The following CLDN10 variants were observed in gnomAD, a reference collection of about 807,000 sequenced individuals.
CLDN10 encodes the protein claudin-10.
A neutral mutation model predicts 22.9 loss-of-function variants in CLDN10; 15 were observed. The observed-to-expected ratio is 0.65, with a 90% CI of 0.44 to 1.01. The LOEUF is 1.01. CLDN10 is among the 50% of genes least tolerant of loss of function. The pLI is 0.00. For synonymous variants in CLDN10, 114 were observed against 111.4 expected, an observed-to-expected ratio of 1.02 and a Z score of -0.15; for missense variants, 247 against 287.8, an observed-to-expected ratio of 0.86 and a Z score of 1.03.
At chr13:95,478,583 GA>G (rs1196132927) in intron 1 of CLDN10, among the ~76,000 whole-genome samples, 1 of 152,150 alleles carries the variant, frequency 6.6e-6, no homozygotes, top group Non-Finnish European at 1.5e-5. Context: ...TGGGTGGGGT[GA>G]ACAGGGAGGG....
rs71663389 is a variant in CLDN10, at chr13:95,439,919, CT to C, written c.214+5884del. On this transcript the variant is annotated intron_variant, in intron 1 of 4. Coordinates refer to the CLDN10 transcript ENST00000376873. ...GTTAGATGCCTCCAAAATATTAACC[CT>C]TTTTTTTTTTTGAGACAAAGTCTCG... Among the ~76,000 whole-genome samples, 147 of 146,920 alleles carry C rather than the reference CT, an allele frequency of 1.0e-3. 1 individual carries two copies. Among genetic ancestry groups the C allele is most frequent in the Middle Eastern group, 3.5e-3 (1 of 282 alleles).
chr13:95,488,346 AT>A (rs200136832), intron 1 of CLDN10, among the ~76,000 whole-genome samples: 209 of 149,210 alleles, frequency 1.4e-3, no homozygotes, highest in Non-Finnish European at 2.5e-3. Context: ...CTGGCCTCAA[AT>A]TTTTTTTTTA....
intron 1 of CLDN10, among the ~76,000 whole-genome samples, chr13:95,468,870 T>C (rs1463612373): frequency 6.6e-6 from 1 of 152,198 alleles, no homozygotes; most frequent in African/African-American, 2.4e-5. Flanking sequence ...TTATTAATAT[T>C]TCCAATTCAA....
At chr13:95,463,613 A>C (rs2042558440) in intron 1 of CLDN10, among the ~76,000 whole-genome samples, 1 of 151,960 alleles carries the variant, frequency 6.6e-6, no homozygotes, top group Non-Finnish European at 1.5e-5. Context: ...AATTACAGGC[A>C]TGAGCCACTG....
At chr13:95,437,565 A>C (rs532606059) in intron 1 of CLDN10, among the ~76,000 whole-genome samples, 1 of 152,328 alleles carries the variant, frequency 6.6e-6, no homozygotes, top group South Asian at 2.1e-4. Context: ...ACCTTGGGAC[A>C]GGGGCTGGAT....
At chr13:95,462,340 T>A (rs996957826) in intron 1 of CLDN10, among the ~76,000 whole-genome samples, 27 of 152,264 alleles carry the variant, frequency 1.8e-4, no homozygotes, top group African/African-American at 6.5e-4. Context: ...ATAATCTTTA[T>A]AGCCACTTTT....
intron 1 of CLDN10, among the ~76,000 whole-genome samples, chr13:95,463,283 T>C (rs1381741910): frequency 9.2e-5 from 5 of 54,268 alleles, no homozygotes; most frequent in African/African-American, 1.4e-4. Flanking sequence ...GTGCAAATGC[T>C]TAATATATAT....
chr13:95,538,202 C>A (rs1275457004), intron 1 of CLDN10, among the ~76,000 whole-genome samples: 2 of 108,594 alleles, frequency 1.8e-5, no homozygotes, highest in Non-Finnish European at 3.4e-5. Flanking sequence ...ATGGCACAAT[C>A]TTGGCTCACT....
chr13:95,510,774 A>T (rs1486150197), intron 1 of CLDN10, among the ~76,000 whole-genome samples: 1 of 152,158 alleles, frequency 6.6e-6, no homozygotes, highest in Non-Finnish European at 1.5e-5. Flanking sequence ...TTTAATATTG[A>T]TAATTCATAA....
intron 1 of CLDN10, among the ~76,000 whole-genome samples, chr13:95,513,361 C>T (rs1024622946): frequency 4.6e-5 from 7 of 152,186 alleles, no homozygotes; most frequent in African/African-American, 1.7e-4. Context: ...TAACAAGGGG[C>T]AGAATGTGTT....
chr13:95,461,912 C>G (rs574778376), intron 1 of CLDN10, among the ~76,000 whole-genome samples: 1 of 152,042 alleles, frequency 6.6e-6, no homozygotes, highest in Non-Finnish European at 1.5e-5. Context: ...GGCAACATAG[C>G]AAGACCCCAT....
At chr13:95,452,055 T>G (rs1169479271) in intron 1 of CLDN10, among the ~76,000 whole-genome samples, 1 of 152,226 alleles carries the variant, frequency 6.6e-6, no homozygotes, top group African/African-American at 2.4e-5. Context: ...TCAAACACCA[T>G]CTCTTTAATG....
At chr13:95,553,783 T>G (rs2043599956) in intron 1 of CLDN10, among the ~76,000 whole-genome samples, 1 of 152,186 alleles carries the variant, frequency 6.6e-6, no homozygotes, top group South Asian at 2.1e-4. Flanking sequence ...TAGTCAGGCC[T>G]TATGCTGGTA....
At chr13:95,442,899 C>T (rs2042338075) in intron 1 of CLDN10, among the ~76,000 whole-genome samples, 1 of 152,174 alleles carries the variant, frequency 6.6e-6, no homozygotes, top group South Asian at 2.1e-4. Context: ...ATGTAAAACG[C>T]TTTACATCAT....
intron 1 of CLDN10, among the ~76,000 whole-genome samples, chr13:95,510,344 G>C (rs1386733409): frequency 6.6e-6 from 1 of 152,198 alleles, no homozygotes; most frequent in East Asian, 1.9e-4. Flanking sequence ...CCTTTGAGAA[G>C]CCTGTGCTTG....
chr13:95,488,295 G>A (rs1382037094), intron 1 of CLDN10, among the ~76,000 whole-genome samples: 1 of 150,758 alleles, frequency 6.6e-6, no homozygotes, highest in Non-Finnish European at 1.5e-5. Context: ...ACCCACCTCG[G>A]CCTCCCAATG....
At chr13:95,566,489 T>G (rs1397208767) in intron 3 of CLDN10, among the ~76,000 whole-genome samples, 1 of 151,758 alleles carries the variant, frequency 6.6e-6, no homozygotes. Context: ...TCTTGTAAAT[T>G]TGTTTGAGTT....
At chr13:95,509,130 T>C (rs2043069642) in intron 1 of CLDN10, among the ~76,000 whole-genome samples, 1 of 152,062 alleles carries the variant, frequency 6.6e-6, no homozygotes, top group Admixed American at 6.6e-5. Flanking sequence ...CAGAAGCAGT[T>C]GGGAACAGAT....
intron 1 of CLDN10, among the ~76,000 whole-genome samples, chr13:95,554,839 T>C (rs577661071): frequency 3.8e-4 from 58 of 152,304 alleles, no homozygotes; most frequent in African/African-American, 1.3e-3. Context: ...AGCTTTTCTT[T>C]GTTGGTGGTG....
Sources: allele counts gnomAD v4.1 joint callset (sites outside exome capture counted in the v4.1 genomes callset), GRCh38; gene constraint gnomAD v4.1.1; transcripts MANE v1.5; gene names NCBI Gene and HGNC (gene_info 2026-07-23, HGNC 2026-07-21).